Variants in FGF13 observed in about 807,000 individuals in gnomAD.
FGF13 encodes the protein fibroblast growth factor homologous factor 2.
A neutral mutation model predicts 19.5 loss-of-function variants in FGF13; 2 were observed. The ratio of observed to expected loss-of-function variants is 0.10; its 90% CI spans 0.04 to 0.32. FGF13 has a LOEUF of 0.32. Ranked by LOEUF, FGF13 falls within the 10% of genes least tolerant of loss-of-function variation. The pLI is 1.00. For synonymous variants in FGF13, 72 were observed against 76.9 expected, an observed-to-expected ratio of 0.94 and a Z score of 0.33; for missense variants, 113 against 192.7, an observed-to-expected ratio of 0.59 and a Z score of 2.45.
intron 1 of FGF13, among the ~76,000 whole-genome samples, chrX:139,181,091 C>G (rs1603232628): frequency 8.9e-6 from 1 of 112,545 alleles, no homozygotes; most frequent in East Asian, 2.8e-4. Flanking sequence ...AGCAGCTCTA[C>G]AGAACCGAAA....
intron 1 of FGF13, among the ~76,000 whole-genome samples, chrX:139,027,418 T>A (rs1378843041): frequency 8.9e-6 from 1 of 112,213 alleles, no homozygotes; most frequent in Non-Finnish European, 1.9e-5. Flanking sequence ...TAGGAAACTT[T>A]CAGTGAAAAG....
intron 2 of FGF13, among the ~76,000 whole-genome samples, chrX:138,860,841 G>A (rs2091284693): frequency 8.9e-6 from 1 of 112,235 alleles, no homozygotes; most frequent in Admixed American, 9.4e-5. Context: ...CCTTTGGGGG[G>A]AAATTTTGCC....
intron 1 of FGF13, among the ~76,000 whole-genome samples, chrX:138,975,964 A>G (rs1367301877): frequency 8.9e-6 from 1 of 111,746 alleles, no homozygotes; most frequent in Non-Finnish European, 1.9e-5. Context: ...GACCAAGCGT[A>G]TTAGATTTTG....
chrX:138,708,640 A>G (rs1159138797), intron 2 of FGF13, among the ~76,000 whole-genome samples, 178 bp downstream of exon 2: 1 of 112,798 alleles, frequency 8.9e-6, no homozygotes, highest in East Asian at 2.8e-4. Flanking sequence ...CTAGTTTACT[A>G]TCTTAGACAG....
chrX:138,953,344 C>T (rs1173721827), intron 1 of FGF13, among the ~76,000 whole-genome samples: 5 of 110,425 alleles, frequency 4.5e-5, no homozygotes, highest in Non-Finnish European at 7.6e-5. Flanking sequence ...AACCAAACAC[C>T]GCCTGTTCTG....
intron 1 of FGF13, among the ~76,000 whole-genome samples, chrX:139,010,680 T>C (rs2092124414): frequency 9.0e-6 from 1 of 111,161 alleles, no homozygotes. Context: ...GTTCATAGCA[T>C]TAAATGCCTT....
chrX:139,050,091 A>G (rs973130380), intron 1 of FGF13, among the ~76,000 whole-genome samples: 5 of 111,855 alleles, frequency 4.5e-5, no homozygotes, highest in African/African-American at 1.6e-4. Context: ...GCTAGGTTCT[A>G]GCCATTCAAA....
intron 1 of FGF13, among the ~76,000 whole-genome samples, chrX:139,051,925 T>C (rs995031677): frequency 8.9e-6 from 1 of 112,530 alleles, no homozygotes. Context: ...TATCCAGGAG[T>C]TGGTATAAAT....
intron 1 of FGF13, among the ~76,000 whole-genome samples, chrX:139,090,152 G>A (rs1332980622): frequency 1.8e-5 from 2 of 112,047 alleles, no homozygotes; most frequent in South Asian, 3.7e-4. Context: ...GAGCTATAAT[G>A]TGTCAAGCAC....
intron 3 of FGF13, among the ~76,000 whole-genome samples, chrX:138,803,392 C>G (rs979818984): frequency 2.7e-5 from 3 of 112,165 alleles, no homozygotes; most frequent in Admixed American, 9.4e-5. Context: ...AGGTACAGCT[C>G]TAGAAATTAG....
At chrX:139,051,455 T>C (rs1395828361) in intron 1 of FGF13, among the ~76,000 whole-genome samples, 1 of 111,682 alleles carries the variant, frequency 9.0e-6, no homozygotes, top group Non-Finnish European at 1.9e-5. Flanking sequence ...AGCCCCTATA[T>C]ATAGACCAGT....
At chrX:138,824,510 G>C (rs1179405645) in intron 3 of FGF13, among the ~76,000 whole-genome samples, 1 of 111,479 alleles carries the variant, frequency 9.0e-6, no homozygotes, top group Non-Finnish European at 1.9e-5. Flanking sequence ...TAAAAAATTA[G>C]AACCTGACCA....
intron 1 of FGF13, among the ~76,000 whole-genome samples, chrX:139,104,083 G>GT (rs1453206152): frequency 1.8e-5 from 2 of 111,567 alleles, no homozygotes; most frequent in Non-Finnish European, 3.8e-5. Context: ...TAGAGTTGTT[G>GT]TAAGAATTGG....
intron 1 of FGF13, among the ~76,000 whole-genome samples, chrX:139,146,076 A>G (rs1248413233): frequency 8.9e-6 from 1 of 111,932 alleles, no homozygotes; most frequent in Admixed American, 9.5e-5. Context: ...CTTCATGACT[A>G]AAACACCAAA....
chrX:139,039,731 T>G (rs973642662), intron 1 of FGF13, among the ~76,000 whole-genome samples: 1 of 111,250 alleles, frequency 9.0e-6, no homozygotes, highest in African/African-American at 3.3e-5. Flanking sequence ...TCATGGATAT[T>G]GTTTTTTTCA....
At chrX:139,072,892 C>A (rs1220491893) in intron 1 of FGF13, among the ~76,000 whole-genome samples, 1 of 111,625 alleles carries the variant, frequency 9.0e-6, no homozygotes, top group African/African-American at 3.3e-5. Context: ...TGTCCTTGAA[C>A]CTCTTTTGTA....
intron 3 of FGF13, among the ~76,000 whole-genome samples, chrX:138,817,785 T>C (rs2090971235): frequency 8.9e-6 from 1 of 112,307 alleles, no homozygotes; most frequent in South Asian, 3.7e-4. Flanking sequence ...AAGTTACAGA[T>C]GTACATGTTT....
rs1422853812 is a variant in FGF13 at position 138,754,130 on chromosome X, C to T, written c.218-45202G>A. ...CTTAACTGGAATTTTGAGTAGAAGG[C>T]ATCTTCTTGTGTTTCTTCTTATCAA... On this transcript the variant is annotated intron_variant, in intron 3 of 6. Transcript: ENST00000436198. Among the ~76,000 whole-genome samples the T allele has an allele frequency of 3.6e-5, 4 of 111,886 alleles. No individual in the cohort carries two copies. In the Admixed American group the frequency reaches 3.8e-4, roughly 11 times the overall value.
chrX:138,887,040 A>G (rs2091454781), intron 1 of FGF13, among the ~76,000 whole-genome samples: 1 of 111,504 alleles, frequency 9.0e-6, no homozygotes, highest in South Asian at 3.8e-4. Flanking sequence ...CCAATGTTGC[A>G]TGGTGGTTAA....
Sources: allele counts gnomAD v4.1 joint callset (sites outside exome capture counted in the v4.1 genomes callset), GRCh38; gene constraint gnomAD v4.1.1; transcripts MANE v1.5; gene names NCBI Gene and HGNC (gene_info 2026-07-23, HGNC 2026-07-21).